Variants in ATXN2 observed in about 807,000 individuals in gnomAD.
ATXN2 encodes ataxin-2.
In ATXN2, 37 loss-of-function variants were observed where a neutral mutation model predicts 138.6. The observed-to-expected ratio is 0.27, with a 90% confidence interval of 0.21 to 0.35. ATXN2 has a LOEUF of 0.35. Among genes scored for constraint, ATXN2 ranks in the 10% least tolerant of loss-of-function variants. The probability of loss-of-function intolerance (pLI) is 1.00; values close to 1 mark genes in which losing one functional copy is unlikely to be tolerated. For missense variants in ATXN2, 1,216 were observed against 1,480.3 expected, an observed-to-expected ratio of 0.82 and a Z score of 2.93; for synonymous variants, 549 against 543.7, an observed-to-expected ratio of 1.01 and a Z score of -0.13.
intron 6 of ATXN2, 121 bp downstream of exon 6, chr12:111,525,071 C>A: frequency 7.8e-7 from 1 of 1,282,648 alleles, no homozygotes; most frequent in Non-Finnish European, 1.0e-6. Flanking sequence ...TACAACAAAC[C>A]TGCTGCTCTA....
chr12:111,591,305 A>C (rs1884652036), intron 1 of ATXN2, among the ~76,000 whole-genome samples: 1 of 152,100 alleles, frequency 6.6e-6, no homozygotes, highest in Admixed American at 6.6e-5. Flanking sequence ...ACACAGCATG[A>C]TCTTGTGTAT....
intron 11 of ATXN2, chr12:111,511,372 ACT>A (rs767583834): frequency 6.6e-6 from 1 of 151,898 alleles, no homozygotes; most frequent in South Asian, 2.1e-4. Context: ...CTATGCTTAT[ACT>A]CTCTCACTTC....
chr12:111,542,580 C>T (rs1471977466), intron 5 of ATXN2, among the ~76,000 whole-genome samples: 1 of 152,170 alleles, frequency 6.6e-6, no homozygotes, highest in African/African-American at 2.4e-5. Flanking sequence ...GAACCTCTCA[C>T]CTCAGCCCAC....
At chr12:111,553,066 C>G in intron 3 of ATXN2, 89 bp from the exon 4 acceptor site, 1 of 793,622 alleles carries the variant, frequency 1.3e-6, no homozygotes, top group Non-Finnish European at 1.9e-6. Flanking sequence ...TATACCTCAT[C>G]AGGCTTCATT....
At chr12:111,499,035 T>TA (rs535472404) in intron 14 of ATXN2, among the ~76,000 whole-genome samples, 10 of 151,360 alleles carry the variant, frequency 6.6e-5, no homozygotes, top group African/African-American at 1.9e-4. Flanking sequence ...CCCACCATAT[T>TA]AAAAAAAAAT....
intron 22 of ATXN2, 69 bp downstream of exon 22, chr12:111,457,145 C>T: frequency 3.3e-6 from 5 of 1,534,696 alleles, no homozygotes; most frequent in Non-Finnish European, 4.4e-6. Flanking sequence ...CGATACCTGG[C>T]ACCTGAAGAA....
intron 21 of ATXN2, among the ~76,000 whole-genome samples, chr12:111,460,354 G>GT (rs1375082795): frequency 6.6e-6 from 1 of 152,146 alleles, no homozygotes; most frequent in Non-Finnish European, 1.5e-5. Context: ...GACTACAGGC[G>GT]TGAGCCACCG....
intron 23 of ATXN2, chr12:111,455,304 C>T (rs1005591050): frequency 1.7e-6 from 1 of 571,740 alleles, no homozygotes; most frequent in Non-Finnish European, 3.2e-6. Context: ...TAAGACAATC[C>T]CCTGGGCCCT....
chr12:111,599,397 G>A, upstream of ATXN2: 1 of 1,166,240 alleles, frequency 8.6e-7, no homozygotes, highest in South Asian at 4.2e-5. Context: ...CCGCCGCCCC[G>A]CCCGCTCCGC....
Position 111,475,487 on chromosome 12 carries a change from CT to C in ATXN2, c.2525-4746del, listed in dbSNP as rs538338911. On this transcript the variant is annotated intron_variant, in intron 18 of 24. Transcript: ENST00000673436. Reference sequence around the variant, plus strand: ...GTAAAAAGATTTATCTTTTCTGTTTCTTTTTTTTTTTTTTTTTTTTAAGAGG... The same window carrying C: ...GTAAAAAGATTTATCTTTTCTGTTTCTTTTTTTTTTTTTTTTTTTAAGAGG... Among the ~76,000 whole-genome samples the C allele has an allele frequency of 7.1e-3, 841 of 118,628 alleles. 7 individuals carry two copies. Among genetic ancestry groups the C allele is most frequent in the African/African-American group, 0.016 (537 of 32,554 alleles). 77.8% of individuals were successfully genotyped at this position (118,628 alleles called of 152,430 possible). A position where few individuals can be genotyped will look rare whatever the true frequency, so the allele number is the denominator to read the frequency against.
At chr12:111,514,599 A>T (rs1879753688) in intron 10 of ATXN2, among the ~76,000 whole-genome samples, 1 of 152,130 alleles carries the variant, frequency 6.6e-6, no homozygotes, top group South Asian at 2.1e-4. Context: ...ATCTCAACTC[A>T]CTGCAACCTC....
intron 5 of ATXN2, among the ~76,000 whole-genome samples, chr12:111,531,335 C>A (rs933959134): frequency 3.3e-5 from 5 of 152,050 alleles, no homozygotes; most frequent in East Asian, 1.9e-4. Context: ...ATTGCTTGAA[C>A]CTTGAATTGC....
intron 5 of ATXN2, among the ~76,000 whole-genome samples, chr12:111,529,595 T>TA (rs1299431722): frequency 1.3e-5 from 2 of 152,194 alleles, no homozygotes; most frequent in African/African-American, 4.8e-5. Context: ...GGCAGAAACT[T>TA]AGTCATTTTG....
intron 21 of ATXN2, among the ~76,000 whole-genome samples, chr12:111,458,674 C>G (rs1875319939): frequency 6.6e-6 from 1 of 152,198 alleles, no homozygotes; most frequent in Non-Finnish European, 1.5e-5. Flanking sequence ...AAATAGTTCC[C>G]CACATTCTTC....
At chr12:111,565,765 G>T (rs1882969748) in intron 1 of ATXN2, among the ~76,000 whole-genome samples, 1 of 152,138 alleles carries the variant, frequency 6.6e-6, no homozygotes, top group South Asian at 2.1e-4. Flanking sequence ...GGAGGCCAAG[G>T]CAGGTGGATC....
chr12:111,579,285 G>A (rs368402166), intron 1 of ATXN2, among the ~76,000 whole-genome samples: 312 of 151,980 alleles, frequency 2.1e-3, no homozygotes, highest in African/African-American at 7.2e-3. Context: ...TTTTTGAGAC[G>A]GAGTTTCACT....
intron 5 of ATXN2, among the ~76,000 whole-genome samples, chr12:111,543,465 G>A (rs73412464): frequency 0.1 from 15,302 of 151,850 alleles, 2,567 homozygotes; most frequent in African/African-American, 0.35. Flanking sequence ...ATGGAGTCTC[G>A]CTCTGTCACT....
Position 111,516,343 on chromosome 12 carries a change from A to G in ATXN2, c.1186T>C (p.Cys396Arg). 1 of 1,584,228 alleles carries G rather than the reference A, an allele frequency of 6.3e-7. No homozygotes were observed. The highest frequency in any genetic ancestry group is 2.3e-5 in the East Asian group (1 of 43,286). The change falls in exon 10 of 25, where the codon TGC (cysteine) becomes CGC (arginine). Residue 396 changes from cysteine (C) to arginine (R), a missense_variant. This residue lies in a region of ATXN2 where 401 missense variants were observed against 528.1 expected (regional missense o/e 0.76). Coordinates refer to ENST00000673436, the MANE Select transcript of ATXN2 (RefSeq NM_001372574.1). The surrounding 1 kb of genome is among the most constrained non-coding windows in gnomAD (Gnocchi z 5.0). ...GGTGGGCGAGAGGAAGGAGATGGGC[A>G]AGGCGATGGCCAGGGAACACCTGAC... Reference protein sequence around the residue: ...VNGGVPWPSPCPSPSSRPPSR... With the variant: ...VNGGVPWPSPRPSPSSRPPSR...
intron 18 of ATXN2, among the ~76,000 whole-genome samples, chr12:111,477,965 C>A (rs976562677): frequency 1.6e-4 from 23 of 144,402 alleles, no homozygotes; most frequent in African/African-American, 5.8e-4. Context: ...TTTCTTTTTT[C>A]TTTTTTTTTT....
Sources: allele counts gnomAD v4.1 joint callset (sites outside exome capture counted in the v4.1 genomes callset), GRCh38; gene constraint gnomAD v4.1.1; regional missense constraint gnomAD v4.1.1; non-coding constraint Gnocchi (gnomAD v3.1); transcripts MANE v1.5; gene names NCBI Gene and HGNC (gene_info 2026-07-23, HGNC 2026-07-21).